VEZF1: variants seen among roughly 807,000 people sequenced by gnomAD.
The protein encoded by VEZF1 is putative transcription factor DB1.
Under a neutral mutation model 44.1 loss-of-function variants are expected in VEZF1, and 5 were observed. The observed-to-expected ratio is 0.11, with a 90% confidence interval of 0.06 to 0.24. The LOEUF is 0.24. VEZF1 is among the 10% of genes least tolerant of loss of function. VEZF1 has a pLI of 1.00. For synonymous variants in VEZF1, 236 were observed against 233.1 expected (o/e 1.01, Z -0.11); for missense variants, 358 against 641.8 (o/e 0.56, Z 4.78).
At chr17:57,983,591 C>G (rs2075270770) in intron 1 of VEZF1, among the ~76,000 whole-genome samples, 198 bp from the exon 2 acceptor site, 1 of 152,206 alleles carries the variant, frequency 6.6e-6, no homozygotes. Context: ...AGACACAAAA[C>G]TTTTGCAACT....
At chr17:57,987,518 C>T (rs1214183283) in intron 1 of VEZF1, among the ~76,000 whole-genome samples, 3 of 152,050 alleles carry the variant, frequency 2.0e-5, no homozygotes, top group Non-Finnish European at 2.9e-5. Flanking sequence ...CCTGGGGATA[C>T]CCGCTATTCG....
chr17:57,985,317 C>G, intron 1 of VEZF1: 1 of 1,231,536 alleles, frequency 8.1e-7, no homozygotes, highest in East Asian at 3.2e-5. Flanking sequence ...TGCTGAAGCT[C>G]ACTCTCACAG....
intron 4 of VEZF1, among the ~76,000 whole-genome samples, chr17:57,980,067 G>A (rs1043130373): frequency 4.0e-5 from 6 of 151,108 alleles, no homozygotes; most frequent in African/African-American, 1.2e-4. Context: ...TACAAACCCA[G>A]TGTACTTACA....
chr17:57,980,142 A>AT (rs1381285065), intron 4 of VEZF1, among the ~76,000 whole-genome samples: 4 of 152,198 alleles, frequency 2.6e-5, no homozygotes, highest in Admixed American at 6.5e-5. Context: ...GTGGCCACCT[A>AT]TTTTTTTGAG....
chr17:57,980,525 A>G, intron 4 of VEZF1, 78 bp downstream of exon 4: 1 of 1,393,812 alleles, frequency 7.2e-7, no homozygotes, highest in Non-Finnish European at 1.0e-6. Flanking sequence ...GAATATTAAT[A>G]CCTTTGATAC....
Position 57,988,152 on chromosome 17 carries a change from T to A in VEZF1, c.-41A>T. The A allele has an allele frequency of 1.6e-6, 1 of 611,636 alleles. No homozygotes were observed. The highest frequency in any genetic ancestry group is 2.2e-6 in the Non-Finnish European group (1 of 459,416). 37.9% of individuals were successfully genotyped at this position (611,636 alleles called of 1,614,324 possible). A position where few individuals can be genotyped will look rare whatever the true frequency, so the allele number is the denominator to read the frequency against. On this transcript the variant is annotated 5_prime_UTR_variant, in exon 1 of 6. Coordinates refer to ENST00000581208, the MANE Select transcript of VEZF1 (RefSeq NM_007146.3). ...CCCCCCTCCTCCCCACTCCCCCCGC[T>A]CGGGGAGCCTCCTCAGCCGGAGGAG...
chr17:57,985,744 T>C (rs915004986), intron 1 of VEZF1, among the ~76,000 whole-genome samples: 1 of 152,232 alleles, frequency 6.6e-6, no homozygotes, highest in Non-Finnish European at 1.5e-5. Flanking sequence ...TAAAAGATTT[T>C]GTACTGAACA....
chr17:57,984,824 TCA>T (rs1452498114), intron 1 of VEZF1, among the ~76,000 whole-genome samples: 3 of 152,228 alleles, frequency 2.0e-5, no homozygotes, highest in African/African-American at 7.2e-5. Flanking sequence ...TCCAGAGTTC[TCA>T]GTTTCAATTT....
chr17:57,977,546 G>A (rs1180694238), intron 5 of VEZF1, among the ~76,000 whole-genome samples: 3 of 152,144 alleles, frequency 2.0e-5, no homozygotes, highest in Non-Finnish European at 4.4e-5. Context: ...GCCAGTAAAT[G>A]TATGAAAAAG....
Position 57,983,204 on chromosome 17 carries a change from C to T in VEZF1, c.223G>A (p.Val75Met), listed in dbSNP as rs1337806274. Residue 75 changes from valine (V) to methionine (M), a missense_variant, in exon 2 of 6, where the codon GTG (valine) becomes ATG (methionine). By Grantham distance (21) the Val-to-Met change is conservative. Transcript: ENST00000581208. ...AAAGCTTTACTGCAGTAAGTGCACA[C>T]AAATGAAGTTTTGGGTTTTTCTTTT... The part of the protein sequence containing the change: ...IKKEKPKTSF[V>M]CTYCSKAFRD... 2.5e-6 allele frequency: 4 copies of T among 1,613,880 alleles called. No individual in the cohort carries two copies. The highest frequency in any genetic ancestry group is 2.7e-5 in the African/African-American group (2 of 74,884).
chr17:57,977,808 C>A (rs1598044496), intron 5 of VEZF1, among the ~76,000 whole-genome samples: 1 of 150,470 alleles, frequency 6.6e-6, no homozygotes, highest in South Asian at 2.1e-4. Context: ...CATGCCATTG[C>A]ACTCCAGCCT....
At chr17:57,984,071 T>C (rs1195646452) in intron 1 of VEZF1, among the ~76,000 whole-genome samples, 2 of 152,222 alleles carry the variant, frequency 1.3e-5, no homozygotes, top group Non-Finnish European at 2.9e-5. Flanking sequence ...GTTTCTCAGG[T>C]CATTTAATTG....
chr17:57,981,629 A>G (rs1477321219), intron 3 of VEZF1, among the ~76,000 whole-genome samples: 2 of 152,250 alleles, frequency 1.3e-5, no homozygotes, highest in African/African-American at 4.8e-5. Flanking sequence ...AACAAAAAAT[A>G]CTATTGCCCA....
chr17:57,981,417 T>C (rs1303873121), intron 3 of VEZF1, among the ~76,000 whole-genome samples: 1 of 152,238 alleles, frequency 6.6e-6, no homozygotes, highest in African/African-American at 2.4e-5. Flanking sequence ...CTGGAATAGA[T>C]TTTTAAACAA....
At position 57,980,520 on chromosome 17, in the gene VEZF1, T is replaced by G. The variant is rs903127910; in HGVS notation, c.976+83A>C. 3.6e-6 allele frequency: 5 copies of G among 1,372,134 alleles called. No individual in the cohort carries two copies. In the East Asian group the frequency reaches 1.1e-4, roughly 31 times the overall value. The allele number at this position is 1,372,134 out of a possible 1,614,324, so 85.0% of individuals were successfully genotyped here. On this transcript the variant is annotated intron_variant, in intron 4 of 5. Transcript: ENST00000581208. ...TAGGAGGAAACACGTAAGGTGAATA[T>G]TAATACCTTTGATACAATATGAAAA...
Position 57,980,740 on chromosome 17 carries a change from A to G in VEZF1, c.839T>C (p.Met280Thr), listed in dbSNP as rs1196100004. ...TGATACCTTGCCTTCATGGCGCACC[A>G]TGTGTGTCCGCAGTCTGTCTTTGGT... Reference protein sequence around the residue: ...FATKDRLRTHMVRHEGKVSCN... With the variant: ...FATKDRLRTHTVRHEGKVSCN... The change falls in exon 4 of 6, where the codon ATG becomes ACG. Residue 280 changes from methionine (M) to threonine (T), a missense_variant. By Grantham distance (81) the Met-to-Thr change is moderately conservative. Coordinates refer to ENST00000581208, the MANE Select transcript of VEZF1 (RefSeq NM_007146.3). 6.2e-7 allele frequency: 1 copy of G among 1,614,178 alleles called. No individual in the cohort carries two copies. Among genetic ancestry groups the G allele is most frequent in the South Asian group, 1.1e-5 (1 of 91,086 alleles).
At chr17:57,986,382 C>T (rs1343665476) in intron 1 of VEZF1, among the ~76,000 whole-genome samples, 1 of 152,032 alleles carries the variant, frequency 6.6e-6, no homozygotes, top group Non-Finnish European at 1.5e-5. Flanking sequence ...TTCAGTGGCA[C>T]ATCAATCCCA....
At chr17:57,986,826 C>A (rs1218552428) in intron 1 of VEZF1, among the ~76,000 whole-genome samples, 2 of 152,116 alleles carry the variant, frequency 1.3e-5, no homozygotes, top group Admixed American at 1.3e-4. Flanking sequence ...AGGTATCAAG[C>A]GCCCCAGCTA....
Position 57,988,161 on chromosome 17 carries a change from C to A in VEZF1, c.-50G>T. The A allele has an allele frequency of 1.7e-6, 1 of 581,386 alleles. No homozygotes were observed. The highest frequency in any genetic ancestry group is 5.6e-5 in the Admixed American group (1 of 17,744). The allele number at this position is 581,386 out of a possible 1,614,324, so 36.0% of individuals were successfully genotyped here. A position where few individuals can be genotyped will look rare whatever the true frequency, so the allele number is the denominator to read the frequency against. Reference sequence around the variant, plus strand: ...TCCCCACTCCCCCCGCTCGGGGAGCCTCCTCAGCCGGAGGAGGCGACAACA... The same window carrying A: ...TCCCCACTCCCCCCGCTCGGGGAGCATCCTCAGCCGGAGGAGGCGACAACA... On this transcript the variant is annotated 5_prime_UTR_variant, in exon 1 of 6. In the 5' UTR this introduces an upstream ATG that the reference lacks. Transcript: ENST00000581208.
Sources: allele counts gnomAD v4.1 joint callset (sites outside exome capture counted in the v4.1 genomes callset), GRCh38; gene constraint gnomAD v4.1.1; transcripts MANE v1.5; gene names NCBI Gene and HGNC (gene_info 2026-07-23, HGNC 2026-07-21).